CRPPA: variants seen among roughly 807,000 people sequenced by gnomAD.
CRPPA encodes D-ribitol-5-phosphate cytidylyltransferase.
Under a neutral mutation model 52.0 loss-of-function variants are expected in CRPPA, and 43 were observed. The ratio of observed to expected loss-of-function variants is 0.83; its 90% CI spans 0.65 to 1.07. The LOEUF (loss-of-function observed/expected upper bound fraction) is 1.07. CRPPA is among the 50% of genes least tolerant of loss of function. The probability of loss-of-function intolerance (pLI) is 0.00; values close to 1 mark genes in which losing one functional copy is unlikely to be tolerated. For synonymous variants in CRPPA, 250 were observed against 203.5 expected (o/e 1.23, Z -1.94); for missense variants, 629 against 551.7 (o/e 1.14, Z -1.40).
chr7:16,209,506 A>T (rs1399522000), intron 9 of CRPPA, among the ~76,000 whole-genome samples: 1 of 152,092 alleles, frequency 6.6e-6, no homozygotes, highest in African/African-American at 2.4e-5. Context: ...TCCTGACCTC[A>T]GGTGATCTGC....
chr7:16,261,200 G>A (rs1205695169), intron 6 of CRPPA, among the ~76,000 whole-genome samples: 2 of 152,010 alleles, frequency 1.3e-5, no homozygotes, highest in Non-Finnish European at 2.9e-5. Context: ...AAAACCAAAT[G>A]TAGTAAAACC....
At chr7:16,353,219 T>G (rs1050441104) in intron 3 of CRPPA, among the ~76,000 whole-genome samples, 2 of 151,938 alleles carry the variant, frequency 1.3e-5, no homozygotes, top group Middle Eastern at 6.8e-3. Context: ...CCAGGCATGG[T>G]GGCACTGCCT....
chr7:16,191,365 A>G (rs1445630570), intron 9 of CRPPA, among the ~76,000 whole-genome samples: 1 of 152,152 alleles, frequency 6.6e-6, no homozygotes, highest in African/African-American at 2.4e-5. Flanking sequence ...ATACCTTTAA[A>G]TTATCTTCAT....
chr7:16,335,086 G>T (rs1042600732), intron 3 of CRPPA, among the ~76,000 whole-genome samples: 4 of 142,572 alleles, frequency 2.8e-5, no homozygotes, highest in Non-Finnish European at 3.0e-5. Context: ...CTGGGAGGCT[G>T]AGGCAGGAGA....
At chr7:16,393,020 A>C (rs1332403623) in intron 2 of CRPPA, among the ~76,000 whole-genome samples, 1 of 152,156 alleles carries the variant, frequency 6.6e-6, no homozygotes, top group Non-Finnish European at 1.5e-5. Flanking sequence ...AATAAGATAG[A>C]TCTTGTCAAG....
intron 9 of CRPPA, among the ~76,000 whole-genome samples, chr7:16,208,789 G>A (rs1416095813): frequency 6.6e-6 from 1 of 152,180 alleles, no homozygotes; most frequent in Admixed American, 6.5e-5. Flanking sequence ...ATTCCTTGAG[G>A]ACTGAAACCT....
At chr7:16,159,679 G>A (rs1583397995) in intron 9 of CRPPA, among the ~76,000 whole-genome samples, 1 of 152,188 alleles carries the variant, frequency 6.6e-6, no homozygotes, top group African/African-American at 2.4e-5. Flanking sequence ...AAGTATGCAT[G>A]TGTCTTCATA....
intron 8 of CRPPA, among the ~76,000 whole-genome samples, chr7:16,256,243 C>T (rs1430401427): frequency 1.3e-5 from 2 of 152,186 alleles, no homozygotes; most frequent in Non-Finnish European, 2.9e-5. Flanking sequence ...TACCATCTCA[C>T]ACCAGTTAGA....
chr7:16,383,710 T>A (rs971158703), intron 2 of CRPPA, among the ~76,000 whole-genome samples: 23 of 152,280 alleles, frequency 1.5e-4, no homozygotes, highest in Non-Finnish European at 2.1e-4. Flanking sequence ...CAGGCGCCCC[T>A]CCCCCAGCCT....
intron 3 of CRPPA, among the ~76,000 whole-genome samples, chr7:16,336,009 A>T (rs1216502868): frequency 6.6e-6 from 1 of 152,186 alleles, no homozygotes; most frequent in Non-Finnish European, 1.5e-5. Context: ...AATACTTTGC[A>T]TGGCAAAGTT....
intron 1 of CRPPA, among the ~76,000 whole-genome samples, chr7:16,408,727 G>C (rs1562689694): frequency 6.6e-6 from 1 of 152,142 alleles, no homozygotes; most frequent in African/African-American, 2.4e-5. Flanking sequence ...CTTTGCAGAG[G>C]TGATTAAGGA....
intron 3 of CRPPA, among the ~76,000 whole-genome samples, chr7:16,375,753 G>A (rs1191932376): frequency 6.6e-6 from 1 of 152,060 alleles, no homozygotes; most frequent in South Asian, 2.1e-4. Flanking sequence ...ATGACCAATC[G>A]AACACCCTGG....
At position 16,191,293 on chromosome 7, in the gene CRPPA, A is replaced by C. The variant is rs544607747; in HGVS notation, c.1251+24773T>G. 4.6e-5 allele frequency among the ~76,000 whole-genome samples: 7 copies of C among 152,254 alleles called. No individual in the cohort carries two copies. In the East Asian group the frequency reaches 1.4e-3, roughly 29 times the overall value. On this transcript the variant is annotated intron_variant, in intron 9 of 9. Coordinates refer to ENST00000407010, the MANE Select transcript of CRPPA (RefSeq NM_001101426.4). ...TCAACTTCTGAAATGCTCGCAGACCATACCACTAAGCTGAACTTCCAGGAT... is the reference window on the plus strand; with the variant it reads ...TCAACTTCTGAAATGCTCGCAGACCCTACCACTAAGCTGAACTTCCAGGAT...
intron 8 of CRPPA, among the ~76,000 whole-genome samples, chr7:16,231,086 T>A (rs1247547850): frequency 6.6e-6 from 1 of 152,134 alleles, no homozygotes. Flanking sequence ...ATTATTGTGG[T>A]GGGCCAAGTG....
intron 8 of CRPPA, among the ~76,000 whole-genome samples, chr7:16,237,735 T>C (rs1039977564): frequency 6.6e-6 from 1 of 152,244 alleles, no homozygotes; most frequent in Non-Finnish European, 1.5e-5. Flanking sequence ...TACTAGGCAG[T>C]GCTGCTTTAT....
intron 4 of CRPPA, among the ~76,000 whole-genome samples, chr7:16,302,189 G>C (rs923473983): frequency 4.6e-5 from 7 of 151,426 alleles, no homozygotes; most frequent in African/African-American, 7.3e-5. Flanking sequence ...CCAGCTACTC[G>C]GGAGGCTGAG....
chr7:16,227,893 C>G (rs563468504), intron 8 of CRPPA, among the ~76,000 whole-genome samples: 2 of 151,924 alleles, frequency 1.3e-5, no homozygotes, highest in East Asian at 1.9e-4. Flanking sequence ...ATTTAAATCC[C>G]TAATCCATTT....
At chr7:16,093,218 A>G (rs946299875) in intron 9 of CRPPA, among the ~76,000 whole-genome samples, 2 of 152,118 alleles carry the variant, frequency 1.3e-5, no homozygotes, top group Non-Finnish European at 2.9e-5. Flanking sequence ...TGCCTAACAC[A>G]TGGTAGCACT....
At chr7:16,094,374 T>C (rs779798238) in intron 9 of CRPPA, among the ~76,000 whole-genome samples, 8 of 152,116 alleles carry the variant, frequency 5.3e-5, no homozygotes, top group Non-Finnish European at 1.0e-4. Flanking sequence ...AGTCACACAA[T>C]TCATGGATAT....
Sources: gnomAD v4.1 joint callset for allele counts (sites outside exome capture counted in the v4.1 genomes callset) on GRCh38, gnomAD v4.1.1 for gene constraint, MANE v1.5 for transcripts, NCBI Gene and HGNC (gene_info 2026-07-23, HGNC 2026-07-21) for gene names.